Variants in DNAAF11 observed in about 807,000 individuals in gnomAD.
DNAAF11 encodes the protein dynein axonemal assembly factor 11.
In DNAAF11, 45 loss-of-function variants were observed where a neutral mutation model predicts 60.8. The ratio of observed to expected loss-of-function variants is 0.74; its 90% CI spans 0.58 to 0.95. The LOEUF (loss-of-function observed/expected upper bound fraction) is 0.95. Ranked by LOEUF, DNAAF11 falls within the 40% of genes least tolerant of loss-of-function variation. The pLI is 0.00. For synonymous variants in DNAAF11, 191 were observed against 183.5 expected, an observed-to-expected ratio of 1.04 and a Z score of -0.33; for missense variants, 546 against 546.2, an observed-to-expected ratio of 1.00 and a Z score of 0.00.
At chr8:132,624,580 T>G (rs1820066291) in intron 6 of DNAAF11, among the ~76,000 whole-genome samples, 1 of 152,204 alleles carries the variant, frequency 6.6e-6, no homozygotes, top group Admixed American at 6.5e-5. Flanking sequence ...GATATTGTGT[T>G]TTGTTTCACT....
intron 3 of DNAAF11, among the ~76,000 whole-genome samples, chr8:132,640,893 T>A (rs1821788904): frequency 6.6e-6 from 1 of 152,118 alleles, no homozygotes; most frequent in Non-Finnish European, 1.5e-5. Flanking sequence ...CAAAGAAAGA[T>A]AAGAACATTT....
intron 1 of DNAAF11, among the ~76,000 whole-genome samples, chr8:132,670,651 A>G (rs1281903546): frequency 2.0e-5 from 3 of 152,180 alleles, no homozygotes; most frequent in Non-Finnish European, 2.9e-5. Context: ...CAAATGCATT[A>G]CAAGAAAAGA....
chr8:132,586,789 C>T (rs942934655), intron 10 of DNAAF11, among the ~76,000 whole-genome samples: 1 of 152,142 alleles, frequency 6.6e-6, no homozygotes, highest in Admixed American at 6.6e-5. Flanking sequence ...GTTGGTCCTG[C>T]ATCACAGCTC....
chr8:132,698,395 G>T, the DNAAF11 span, among the ~76,000 whole-genome samples: 160 of 152,190 alleles, frequency 1.1e-3, 1 homozygote, highest in African/African-American at 3.6e-3. Context: ...TTGCAAAGCT[G>T]CTTCTCAGGG....
chr8:132,633,473 A>G (rs1453639866), intron 4 of DNAAF11, among the ~76,000 whole-genome samples: 1 of 152,242 alleles, frequency 6.6e-6, no homozygotes. Context: ...AAAGTAAAAT[A>G]TTAAAATAAA....
At chr8:132,597,314 T>C (rs1817115905) in intron 10 of DNAAF11, among the ~76,000 whole-genome samples, 1 of 152,026 alleles carries the variant, frequency 6.6e-6, no homozygotes, top group Admixed American at 6.6e-5. Context: ...CTGCCCTGTG[T>C]GTAGCCCTGA....
intron 10 of DNAAF11, among the ~76,000 whole-genome samples, chr8:132,603,043 TTTTGGCAGGCTC>T (rs1817788669): frequency 6.6e-6 from 1 of 152,112 alleles, no homozygotes; most frequent in Non-Finnish European, 1.5e-5. Context: ...AGAGTCCCCT[TTTTGGCAGGCTC>T]TGGACATTAG....
intron 1 of DNAAF11, among the ~76,000 whole-genome samples, chr8:132,667,226 C>T (rs775930349): frequency 2.6e-5 from 4 of 152,170 alleles, no homozygotes; most frequent in Non-Finnish European, 5.9e-5. Flanking sequence ...CCATTCTCTA[C>T]CTGTTTATGA....
At chr8:132,608,343 A>G (rs1818321043) in intron 10 of DNAAF11, 1 of 226,440 alleles carries the variant, frequency 4.4e-6, no homozygotes, top group Non-Finnish European at 9.1e-6. Context: ...TGACGAAAAT[A>G]GAACTATTCC....
intron 5 of DNAAF11, among the ~76,000 whole-genome samples, chr8:132,629,664 C>T (rs958541758): frequency 3.9e-5 from 6 of 152,074 alleles, no homozygotes; most frequent in South Asian, 2.1e-4. Context: ...CCATTCTTAA[C>T]GCTACTATTC....
intron 10 of DNAAF11, among the ~76,000 whole-genome samples, chr8:132,597,254 G>A (rs528601741): frequency 2.0e-5 from 3 of 152,112 alleles, no homozygotes; most frequent in Non-Finnish European, 2.9e-5. Context: ...GTTTCAAGAC[G>A]TGGCTGTTCC....
At chr8:132,586,523 C>A (rs1044766289) in intron 10 of DNAAF11, among the ~76,000 whole-genome samples, 1 of 152,272 alleles carries the variant, frequency 6.6e-6, no homozygotes, top group South Asian at 2.1e-4. Flanking sequence ...CAGGTGTGAA[C>A]GACCTTGTCC....
At chr8:132,599,623 T>A (rs1265226723) in intron 10 of DNAAF11, among the ~76,000 whole-genome samples, 1 of 152,028 alleles carries the variant, frequency 6.6e-6, no homozygotes, top group Non-Finnish European at 1.5e-5. Context: ...GTTCAACATA[T>A]GCAAATCAAT....
chr8:132,699,308 C>A, the DNAAF11 span, among the ~76,000 whole-genome samples: 4 of 151,876 alleles, frequency 2.6e-5, no homozygotes, highest in African/African-American at 7.3e-5. Flanking sequence ...AATGTTTCTG[C>A]CTGAGTGTCC....
chr8:132,693,149 A>G, the DNAAF11 span, among the ~76,000 whole-genome samples: 2 of 152,180 alleles, frequency 1.3e-5, no homozygotes, highest in Non-Finnish European at 2.9e-5. Context: ...AGAACCAGGA[A>G]GGAGAATGAA....
Position 132,621,197 on chromosome 8 carries a change from T to C in DNAAF11, c.914+1414A>G, listed in dbSNP as rs541800156. Among the ~76,000 whole-genome samples the C allele has an allele frequency of 7.9e-5, 12 of 152,034 alleles. No homozygotes were observed. In the East Asian group the frequency reaches 2.3e-3, roughly 29 times the overall value. On this transcript the variant is annotated intron_variant, in intron 7 of 11. Coordinates refer to ENST00000620350, the MANE Select transcript of DNAAF11 (RefSeq NM_012472.6). ...GTAACTGCCCCTGTGGTGTATGTGG[T>C]GAGGAAGAACAGCTGTCAGCCACAG...
chr8:132,670,101 A>C (rs1213310319), intron 1 of DNAAF11, among the ~76,000 whole-genome samples: 1 of 152,106 alleles, frequency 6.6e-6, no homozygotes, highest in Non-Finnish European at 1.5e-5. Flanking sequence ...AAGGATCTAG[A>C]AAAAGAACAA....
chr8:132,590,165 A>G (rs1439962420), intron 10 of DNAAF11, among the ~76,000 whole-genome samples: 1 of 152,146 alleles, frequency 6.6e-6, no homozygotes, highest in African/African-American at 2.4e-5. Context: ...CTGGCCTTCC[A>G]TGTTAACTGG....
chr8:132,623,596 TA>T (rs1259840489), intron 6 of DNAAF11, among the ~76,000 whole-genome samples: 1 of 152,152 alleles, frequency 6.6e-6, no homozygotes, highest in Non-Finnish European at 1.5e-5. Flanking sequence ...TATAGAACCT[TA>T]AATAGGCAAA....
Sources: allele counts gnomAD v4.1 joint callset (sites outside exome capture counted in the v4.1 genomes callset), GRCh38; gene constraint gnomAD v4.1.1; transcripts MANE v1.5; gene names NCBI Gene and HGNC (gene_info 2026-07-23, HGNC 2026-07-21).